CACNA2D3: variants seen among roughly 807,000 people sequenced by gnomAD.
The protein encoded by CACNA2D3 is calcium voltage-gated channel auxiliary subunit alpha2delta 3.
In CACNA2D3, 60 loss-of-function variants were observed where a neutral mutation model predicts 160.6. That is an observed-to-expected ratio of 0.37 (90% confidence interval 0.30 to 0.46). The LOEUF is 0.46. Ranked by LOEUF, CACNA2D3 falls within the 20% of genes least tolerant of loss-of-function variation. The pLI, the probability that CACNA2D3 is intolerant of heterozygous loss-of-function variation, is 1.00. For missense variants in CACNA2D3, 1,205 were observed against 1,365.0 expected, an observed-to-expected ratio of 0.88 and a Z score of 1.85; for synonymous variants, 558 against 492.9, an observed-to-expected ratio of 1.13 and a Z score of -1.75.
At chr3:54,922,602 A>G (rs1321497996) in intron 27 of CACNA2D3, among the ~76,000 whole-genome samples, 2 of 152,146 alleles carry the variant, frequency 1.3e-5, no homozygotes, top group Non-Finnish European at 2.9e-5. Flanking sequence ...CCCATGTTGT[A>G]TTCACCCTAA....
intron 3 of CACNA2D3, among the ~76,000 whole-genome samples, chr3:54,379,907 G>GT (rs202180251): frequency 0.025 from 3,738 of 151,960 alleles, 60 homozygotes; most frequent in Middle Eastern, 0.061. Context: ...ACCATCTTAC[G>GT]TTTTTTTCAT....
chr3:54,145,397 G>T (rs529202878), intron 2 of CACNA2D3, among the ~76,000 whole-genome samples: 9 of 152,298 alleles, frequency 5.9e-5, no homozygotes, highest in Admixed American at 2.0e-4. Context: ...TTGCCAAACT[G>T]CAAGCTCTTT....
chr3:54,879,494 A>C, intron 20 of CACNA2D3, 83 bp downstream of exon 20: 42 of 1,001,272 alleles, frequency 4.2e-5, no homozygotes, highest in Non-Finnish European at 6.0e-5. Context: ...CTCAGAGCTC[A>C]TCATCTGAAG....
intron 6 of CACNA2D3, among the ~76,000 whole-genome samples, chr3:54,567,600 A>G (rs776537577): frequency 6.6e-6 from 1 of 152,084 alleles, no homozygotes; most frequent in African/African-American, 2.4e-5. Context: ...CAGTGGTGCA[A>G]TCTTGGCTCA....
At chr3:54,945,915 C>T (rs139661232) in intron 27 of CACNA2D3, among the ~76,000 whole-genome samples, 53 of 152,140 alleles carry the variant, frequency 3.5e-4, no homozygotes, top group African/African-American at 1.1e-3. Flanking sequence ...GGGCCATCCT[C>T]GTTGGAATAA....
chr3:55,018,352 C>T (rs1159208610), intron 35 of CACNA2D3, 35 bp downstream of exon 35: 1 of 1,315,496 alleles, frequency 7.6e-7, no homozygotes, highest in Non-Finnish European at 1.1e-6. Flanking sequence ...CCCCCTACAC[C>T]TTTCTGCTCA....
chr3:54,581,954 T>C, intron 9 of CACNA2D3, 77 bp downstream of exon 9: 1 of 1,250,558 alleles, frequency 8.0e-7, no homozygotes, highest in South Asian at 1.4e-5. Flanking sequence ...ACAATAAATC[T>C]GTCTTATCAA....
intron 3 of CACNA2D3, among the ~76,000 whole-genome samples, chr3:54,358,758 T>C (rs563176906): frequency 2.6e-5 from 4 of 152,316 alleles, no homozygotes; most frequent in Non-Finnish European, 4.4e-5. Flanking sequence ...ACGCAGCAAA[T>C]TGGATATCAA....
At chr3:54,476,104 C>T (rs1559492604) in intron 4 of CACNA2D3, among the ~76,000 whole-genome samples, 3 of 134,742 alleles carry the variant, frequency 2.2e-5, no homozygotes, top group South Asian at 2.3e-4. Flanking sequence ...ATTTGTCTTT[C>T]TGTGCCTGGC....
chr3:54,969,965 TA>T (rs113492437), intron 29 of CACNA2D3, 121 bp downstream of exon 29: 23,658 of 467,642 alleles, frequency 0.051, 1 homozygote, highest in Middle Eastern at 0.074. Flanking sequence ...TGGGCCAATC[TA>T]AAAAAAAAAA....
rs58956795 is a variant in CACNA2D3 at position 54,183,892 on chromosome 3, G to GAAAAAAA, written c.204+60320_204+60326dup. 4.2e-3 allele frequency among the ~76,000 whole-genome samples: 337 copies of GAAAAAAA among 80,808 alleles called. 7 individuals carry two copies. Among genetic ancestry groups the GAAAAAAA allele is most frequent in the Non-Finnish European group, 4.7e-3 (220 of 46,594 alleles). 53.0% of individuals were successfully genotyped at this position (80,808 alleles called of 152,430 possible). A position where few individuals can be genotyped will look rare whatever the true frequency, so the allele number is the denominator to read the frequency against. On this transcript the variant is annotated intron_variant, in intron 2 of 37. Coordinates refer to ENST00000474759, the MANE Select transcript of CACNA2D3 (RefSeq NM_018398.3). ...AAAAGCGAAACTCCGTCTCAAAAAAGAAAAAAAAAAAAAAAAAAAAAAAAA... is the reference window on the plus strand; with the variant it reads ...AAAAGCGAAACTCCGTCTCAAAAAAGAAAAAAAAAAAAAAAAAAAAAAAAAAAAAAAA...
At chr3:54,953,583 C>T (rs1701810925) in intron 27 of CACNA2D3, among the ~76,000 whole-genome samples, 1 of 152,220 alleles carries the variant, frequency 6.6e-6, no homozygotes. Flanking sequence ...AAAGCCACTT[C>T]TTGCAATACT....
At chr3:54,449,688 C>A (rs1559483929) in intron 4 of CACNA2D3, among the ~76,000 whole-genome samples, 2 of 152,088 alleles carry the variant, frequency 1.3e-5, no homozygotes, top group Non-Finnish European at 1.5e-5. Context: ...TGTGTGGCAC[C>A]TCCACCTACC....
chr3:55,002,605 C>T (rs149324784), intron 31 of CACNA2D3, among the ~76,000 whole-genome samples: 11 of 152,298 alleles, frequency 7.2e-5, no homozygotes, highest in African/African-American at 2.6e-4. Context: ...TTATGGTCTT[C>T]GTTTCTGTTT....
chr3:54,149,713 C>T (rs1489761003), intron 2 of CACNA2D3, among the ~76,000 whole-genome samples: 1 of 152,100 alleles, frequency 6.6e-6, no homozygotes, highest in Non-Finnish European at 1.5e-5. Context: ...GTGAGGACAG[C>T]AAGCTCGGTC....
chr3:55,002,570 T>C (rs993823235), intron 31 of CACNA2D3, among the ~76,000 whole-genome samples: 1 of 152,216 alleles, frequency 6.6e-6, no homozygotes, highest in Admixed American at 6.5e-5. Flanking sequence ...TGCGGGGACA[T>C]CCCCAAGCCT....
At chr3:54,924,897 GAATTCTGGGTTAGATTTAAAACCTGC>G in intron 27 of CACNA2D3, 4 of 1,613,760 alleles carry the variant, frequency 2.5e-6, no homozygotes, top group Non-Finnish European at 3.4e-6. Flanking sequence ...GGAAAGGAGT[GAATTCTGGGTTAGATTTAAAACCTGC>G]AAGTGCTGAA....
In CACNA2D3 at chr3:54,689,010, A is replaced by AAAAGAGAG. The variant is rs1553785965; in HGVS notation, c.1167+46770_1167+46771insAAGAGAGA. Among the ~76,000 whole-genome samples, 23 of 85,494 alleles carry AAAAGAGAG rather than the reference A, an allele frequency of 2.7e-4. 4 individuals are homozygous for AAAAGAGAG. The highest frequency in any genetic ancestry group is 4.1e-4 in the East Asian group (1 of 2,456). The allele number at this position is 85,494 out of a possible 152,430, so 56.1% of individuals were successfully genotyped here. A position where few individuals can be genotyped will look rare whatever the true frequency, so the allele number is the denominator to read the frequency against. ...AAAAAAAAAAAAAAAAAAAAAAAAA[A>AAAAGAGAG]AGAATGAGGTTGTATACATAAAGCA... On this transcript the variant is annotated intron_variant, in intron 11 of 37. Coordinates refer to ENST00000474759, the MANE Select transcript of CACNA2D3 (RefSeq NM_018398.3).
chr3:54,724,258 A>T (rs1388206911), intron 11 of CACNA2D3, among the ~76,000 whole-genome samples: 2 of 152,232 alleles, frequency 1.3e-5, no homozygotes, highest in African/African-American at 2.4e-5. Context: ...GAGCACCCAG[A>T]TTCATAAAGC....
Sources: gnomAD v4.1 joint callset for allele counts (sites outside exome capture counted in the v4.1 genomes callset) on GRCh38, gnomAD v4.1.1 for gene constraint, MANE v1.5 for transcripts, NCBI Gene and HGNC (gene_info 2026-07-23, HGNC 2026-07-21) for gene names.